The following PLA2G4A variants were observed in gnomAD, a reference collection of about 807,000 sequenced individuals.
The protein encoded by PLA2G4A is phospholipase A2 group IVA.
A neutral mutation model predicts 81.9 loss-of-function variants in PLA2G4A; 40 were observed. The observed-to-expected ratio is 0.49, with a 90% CI of 0.38 to 0.64. The LOEUF (loss-of-function observed/expected upper bound fraction) is 0.64. PLA2G4A is among the 30% of genes least tolerant of loss of function. PLA2G4A has a pLI of 0.00. For missense variants in PLA2G4A, 715 were observed against 905.1 expected, an observed-to-expected ratio of 0.79 and a Z score of 2.69; for synonymous variants, 302 against 296.9, an observed-to-expected ratio of 1.02 and a Z score of -0.18.
intron 2 of PLA2G4A, among the ~76,000 whole-genome samples, chr1:186,867,096 T>C (rs1331188517): frequency 6.6e-6 from 1 of 152,190 alleles, no homozygotes; most frequent in Non-Finnish European, 1.5e-5. Flanking sequence ...CACACTGTCT[T>C]GATTACTGTA....
At chr1:186,897,471 G>T (rs1160694998) in intron 5 of PLA2G4A, among the ~76,000 whole-genome samples, 1 of 151,946 alleles carries the variant, frequency 6.6e-6, no homozygotes, top group Non-Finnish European at 1.5e-5. Context: ...GACCTAGAAA[G>T]AATACTTCTC....
intron 8 of PLA2G4A, among the ~76,000 whole-genome samples, chr1:186,934,693 G>C (rs1389200669): frequency 6.6e-6 from 1 of 151,758 alleles, no homozygotes; most frequent in Non-Finnish European, 1.5e-5. Flanking sequence ...CACTTAATTT[G>C]CAAAGTTCTT....
At chr1:186,986,852 A>G (rs767372451) in intron 17 of PLA2G4A, among the ~76,000 whole-genome samples, 6 of 152,206 alleles carry the variant, frequency 3.9e-5, no homozygotes, top group Admixed American at 6.5e-5. Context: ...CCTTTGGTCC[A>G]AGTCTCCTTC....
chr1:186,869,737 G>A (rs189882589), intron 2 of PLA2G4A, among the ~76,000 whole-genome samples: 1 of 152,272 alleles, frequency 6.6e-6, no homozygotes, highest in East Asian at 1.9e-4. Context: ...TAAAGACCTT[G>A]TAATCTTCTC....
At chr1:186,890,893 A>G (rs1654114034) in intron 3 of PLA2G4A, among the ~76,000 whole-genome samples, 1 of 151,702 alleles carries the variant, frequency 6.6e-6, no homozygotes, top group African/African-American at 2.4e-5. Flanking sequence ...GTTGCTTCAT[A>G]GAGACACCTC....
At chr1:186,937,253 A>AAGAG (rs58594192) in intron 8 of PLA2G4A, among the ~76,000 whole-genome samples, 3 of 149,350 alleles carry the variant, frequency 2.0e-5, no homozygotes, top group East Asian at 2.0e-4. Context: ...GAGACGGGAA[A>AAGAG]AGAGAGAGAG....
chr1:186,895,296 T>A (rs1263494707), intron 5 of PLA2G4A, among the ~76,000 whole-genome samples: 2 of 152,220 alleles, frequency 1.3e-5, no homozygotes, highest in Non-Finnish European at 2.9e-5. Flanking sequence ...CAAATGAGCT[T>A]CTTGACTAGT....
chr1:186,891,505 G>T (rs1654143765), intron 3 of PLA2G4A, among the ~76,000 whole-genome samples: 1 of 151,608 alleles, frequency 6.6e-6, no homozygotes, highest in South Asian at 2.1e-4. Flanking sequence ...CCCCTCCATG[G>T]GTTCAACTGT....
rs1456927305 is a variant in PLA2G4A, at chr1:186,952,631, A to AAT, written c.1336+1906_1336+1907dup. Among the ~76,000 whole-genome samples, 3 of 152,202 alleles carry AAT rather than the reference A, an allele frequency of 2.0e-5. No homozygotes were observed. In the East Asian group the frequency reaches 5.8e-4, roughly 29 times the overall value. On this transcript the variant is annotated intron_variant, in intron 13 of 17. Coordinates refer to ENST00000367466, the MANE Select transcript of PLA2G4A (RefSeq NM_024420.3). ...AGTGTATATTCTATGGGTTTTGACA[A>AAT]ATATGTAATGACATATATTCATCAT...
rs373780022 is a variant in PLA2G4A, at chr1:186,889,028, A to G, written c.116-3983A>G. Among the ~76,000 whole-genome samples, 36 of 152,166 alleles carry G rather than the reference A, an allele frequency of 2.4e-4. 3 individuals carry two copies. Among genetic ancestry groups the G allele is most frequent in the Admixed American group, 1.9e-3 (29 of 15,262 alleles). Reference sequence around the variant, plus strand: ...TATGGAGTTTTACTTCTGATTTGCAATCCTGAGCACTGGTGATATGGTAGA... The same window carrying G: ...TATGGAGTTTTACTTCTGATTTGCAGTCCTGAGCACTGGTGATATGGTAGA... On this transcript the variant is annotated intron_variant, in intron 3 of 17. Transcript: ENST00000367466.
At chr1:186,856,270 G>T (rs1265518622) in intron 2 of PLA2G4A, among the ~76,000 whole-genome samples, 1 of 141,834 alleles carries the variant, frequency 7.1e-6, no homozygotes, top group Non-Finnish European at 1.5e-5. Flanking sequence ...ATGTATTATA[G>T]TTTTCTTTAA....
At chr1:186,965,730 G>T (rs1026390709) in intron 15 of PLA2G4A, 137 bp downstream of exon 15, 2 of 729,466 alleles carry the variant, frequency 2.7e-6, no homozygotes, top group Non-Finnish European at 2.5e-6. Flanking sequence ...GTTCTAAAAC[G>T]CAAACATGGT....
chr1:186,900,950 A>G (rs994936761), intron 5 of PLA2G4A, among the ~76,000 whole-genome samples: 1 of 152,188 alleles, frequency 6.6e-6, no homozygotes, highest in Non-Finnish European at 1.5e-5. Flanking sequence ...GCAACTTGAA[A>G]ATGAATAAGA....
intron 5 of PLA2G4A, among the ~76,000 whole-genome samples, chr1:186,900,185 T>A (rs1308174078): frequency 6.6e-6 from 1 of 152,174 alleles, no homozygotes; most frequent in Admixed American, 6.5e-5. Context: ...CTTCCCAAGA[T>A]GAAATCATGA....
intron 15 of PLA2G4A, among the ~76,000 whole-genome samples, chr1:186,970,532 A>G (rs1332808703): frequency 6.6e-6 from 1 of 151,962 alleles, no homozygotes; most frequent in East Asian, 1.9e-4. Flanking sequence ...GTAGTTTTAT[A>G]GCTTTAGGAC....
intron 3 of PLA2G4A, among the ~76,000 whole-genome samples, chr1:186,890,765 A>C (rs1307998350): frequency 6.6e-6 from 1 of 151,940 alleles, no homozygotes; most frequent in African/African-American, 2.4e-5. Flanking sequence ...GAGGCACGAA[A>C]ATTGCTTGAA....
intron 14 of PLA2G4A, among the ~76,000 whole-genome samples, chr1:186,963,603 A>C (rs1028774280): frequency 6.6e-6 from 1 of 152,180 alleles, no homozygotes; most frequent in Non-Finnish European, 1.5e-5. Flanking sequence ...GTTATTCACA[A>C]ATTTCCTCTT....
chr1:186,982,064 T>A (rs898155927), intron 17 of PLA2G4A, among the ~76,000 whole-genome samples: 4 of 152,200 alleles, frequency 2.6e-5, no homozygotes, highest in East Asian at 3.8e-4. Context: ...TCAGATAGAC[T>A]GTAGATCTGA....
Position 186,980,003 on chromosome 1 carries a change from A to G in PLA2G4A, c.2118+531A>G, listed in dbSNP as rs1006143732. ...CGCTCTGTCGCCCAGGCTGGAGTGC[A>G]GTGGCGCAATGTCGGCTCACTGCAA... On this transcript the variant is annotated intron_variant, in intron 17 of 17. Transcript: ENST00000367466. Among the ~76,000 whole-genome samples, 5 of 123,956 alleles carry G rather than the reference A, an allele frequency of 4.0e-5. No individual in the cohort carries two copies. The Admixed American group carries it at 4.4e-4, about 11-fold the overall frequency. 81.3% of individuals were successfully genotyped at this position (123,956 alleles called of 152,430 possible). A position where few individuals can be genotyped will look rare whatever the true frequency, so the allele number is the denominator to read the frequency against.
Sources: allele counts gnomAD v4.1 joint callset (sites outside exome capture counted in the v4.1 genomes callset), GRCh38; gene constraint gnomAD v4.1.1; transcripts MANE v1.5; gene names NCBI Gene and HGNC (gene_info 2026-07-23, HGNC 2026-07-21).